Variants in RPH3A observed in about 807,000 individuals in gnomAD.
RPH3A encodes rabphilin 3A, also known as rabphilin-3A.
Under a neutral mutation model 102.2 loss-of-function variants are expected in RPH3A, and 48 were observed. The observed-to-expected ratio is 0.47, with a 90% confidence interval of 0.37 to 0.60. RPH3A has a LOEUF of 0.60. Among genes scored for constraint, RPH3A ranks in the 20% least tolerant of loss-of-function variants. The pLI is 0.00. For synonymous variants in RPH3A, 310 were observed against 324.3 expected (o/e 0.96, Z 0.47); for missense variants, 781 against 910.1 (o/e 0.86, Z 1.83).
At chr12:112,870,546 G>A (rs1279549606) in intron 10 of RPH3A, among the ~76,000 whole-genome samples, 1 of 152,064 alleles carries the variant, frequency 6.6e-6, no homozygotes, top group African/African-American at 2.4e-5. Context: ...CATTGGTAGG[G>A]GTCATGGAGC....
intron 2 of RPH3A, among the ~76,000 whole-genome samples, chr12:112,815,917 A>C (rs1413175226): frequency 6.6e-6 from 1 of 152,200 alleles, no homozygotes; most frequent in Non-Finnish European, 1.5e-5. Context: ...CGCTTTATCA[A>C]GGAATTGGGT....
rs374834747 is a variant in RPH3A, at chr12:112,783,724, C to A, written c.-139-8419C>A. Among the ~76,000 whole-genome samples, 7 of 152,222 alleles carry A rather than the reference C, an allele frequency of 4.6e-5. No individual in the cohort carries two copies. The East Asian group carries it at 9.6e-4, about 21-fold the overall frequency. ...TACAGACAATGAGGCTAAGGCACAG[C>A]GAGGTAAAGTGACTCACCCAAGCTC... On this transcript the variant is annotated intron_variant, in intron 1 of 21. Transcript: ENST00000543106.
At chr12:112,806,197 A>G (rs1039253755) in intron 2 of RPH3A, among the ~76,000 whole-genome samples, 6 of 152,362 alleles carry the variant, frequency 3.9e-5, no homozygotes, top group African/African-American at 1.2e-4. Flanking sequence ...CAAATAGGAA[A>G]GGAAGAGATA....
At chr12:112,792,678 G>T (rs2041145999) in intron 2 of RPH3A, among the ~76,000 whole-genome samples, 1 of 152,222 alleles carries the variant, frequency 6.6e-6, no homozygotes, top group African/African-American at 2.4e-5. Context: ...AGGGGAGGGG[G>T]TCACCTGAGA....
intron 13 of RPH3A, among the ~76,000 whole-genome samples, chr12:112,877,165 G>T (rs1331521272): frequency 6.6e-6 from 1 of 152,040 alleles, no homozygotes; most frequent in Non-Finnish European, 1.5e-5. Flanking sequence ...CTACATTCTT[G>T]ATGTTCAGTC....
At position 112,736,591 on chromosome 12, in the gene RPH3A, G is replaced by A. The variant is rs576269648; in HGVS notation, c.-139-55552G>A. On this transcript the variant is annotated intron_variant, in intron 1 of 21. Transcript: ENST00000543106. ...TTTCATAAAGCCAAGGGCAATTAAC[G>A]ACCCTTGGGATAAGAACAGTGACCA... Among the ~76,000 whole-genome samples, 9 of 152,256 alleles carry A rather than the reference G, an allele frequency of 5.9e-5. No individual in the cohort carries two copies. The South Asian group carries it at 1.9e-3, about 32-fold the overall frequency.
intron 1 of RPH3A, among the ~76,000 whole-genome samples, chr12:112,591,349 G>T (rs552342777): frequency 6.6e-6 from 1 of 152,348 alleles, no homozygotes; most frequent in East Asian, 1.9e-4. Flanking sequence ...GCCTCTCAAA[G>T]TGCTGGGATT....
intron 21 of RPH3A, 125 bp downstream of exon 21, chr12:112,895,998 T>A: frequency 1.5e-6 from 1 of 657,866 alleles, no homozygotes; most frequent in South Asian, 1.9e-5. Context: ...GTTCAAATGC[T>A]AAATTGAGAC....
intron 5 of RPH3A, among the ~76,000 whole-genome samples, chr12:112,859,085 T>C (rs1350458492): frequency 6.6e-6 from 1 of 152,230 alleles, no homozygotes; most frequent in South Asian, 2.1e-4. Flanking sequence ...AGACATTAGA[T>C]AGGTAAACAA....
Position 112,876,787 on chromosome 12 carries a change from C to A in RPH3A, c.1092C>A (p.Pro364=). 6.2e-7 allele frequency: 1 copy of A among 1,610,682 alleles called. No homozygotes were observed. The highest frequency in any genetic ancestry group is 8.5e-7 in the Non-Finnish European group (1 of 1,178,486). The change falls in exon 13 of 22, where the codon CCC becomes CCA. Residue 364 remains proline (P), a synonymous_variant. Transcript: ENST00000389385. The part of the protein sequence containing the change: ...GPYSQASAAA[P]QPAAARQPPP... ...ATTCCCAAGCATCTGCAGCTGCCCC[C>A]CAGCCTGCTGCAGCCCGCCAGCCAC...
intron 2 of RPH3A, among the ~76,000 whole-genome samples, chr12:112,813,846 T>C (rs2041624587): frequency 6.7e-6 from 1 of 149,468 alleles, no homozygotes; most frequent in African/African-American, 2.6e-5. Context: ...CACAGGTCTG[T>C]GTAACTCTAA....
At position 112,818,277 on chromosome 12, in the gene RPH3A, C is replaced by T. The variant is rs183289414; in HGVS notation, c.-18-10024C>T. Among the ~76,000 whole-genome samples, 70 of 129,062 alleles carry T rather than the reference C, an allele frequency of 5.4e-4. 1 individual carries two copies. Among genetic ancestry groups the T allele is most frequent in the African/African-American group, 1.8e-3 (61 of 33,568 alleles). The allele number at this position is 129,062 out of a possible 152,430, so 84.7% of individuals were successfully genotyped here. On this transcript the variant is annotated intron_variant, in intron 2 of 21. Transcript: ENST00000389385. ...TCGCGCCACTGCACTCCAGCCTGGGCGACAGAGTGAGATTCTGTCTCAAGA... is the reference window on the plus strand; with the variant it reads ...TCGCGCCACTGCACTCCAGCCTGGGTGACAGAGTGAGATTCTGTCTCAAGA...
chr12:112,759,495 G>A (rs547358535), intron 1 of RPH3A, among the ~76,000 whole-genome samples: 37 of 152,302 alleles, frequency 2.4e-4, no homozygotes. Context: ...TAATTAGAGA[G>A]TGCTGCTTGA....
chr12:112,793,345 C>T (rs1192651490), intron 2 of RPH3A, among the ~76,000 whole-genome samples: 1 of 152,182 alleles, frequency 6.6e-6, no homozygotes, highest in African/African-American at 2.4e-5. Flanking sequence ...TCTCAGGGGC[C>T]ACCTCAGTGT....
chr12:112,723,054 T>C (rs1279407719), intron 1 of RPH3A, among the ~76,000 whole-genome samples: 1 of 152,202 alleles, frequency 6.6e-6, no homozygotes, highest in Non-Finnish European at 1.5e-5. Context: ...ATAATAACTT[T>C]ACAATTTGCC....
chr12:112,765,804 G>T (rs114375758), intron 1 of RPH3A, among the ~76,000 whole-genome samples: 1 of 152,168 alleles, frequency 6.6e-6, no homozygotes, highest in Non-Finnish European at 1.5e-5. Flanking sequence ...CATTGATTGG[G>T]CAATTATGGA....
intron 1 of RPH3A, among the ~76,000 whole-genome samples, chr12:112,641,521 T>C (rs2039890525): frequency 6.6e-6 from 1 of 152,118 alleles, no homozygotes; most frequent in Non-Finnish European, 1.5e-5. Context: ...CTCAGCCTCT[T>C]GAGTAGCTGG....
At chr12:112,704,782 C>G (rs1264003744) in intron 1 of RPH3A, among the ~76,000 whole-genome samples, 1 of 152,138 alleles carries the variant, frequency 6.6e-6, no homozygotes, top group Non-Finnish European at 1.5e-5. Flanking sequence ...AATATTCTGA[C>G]TTTGGGAGAG....
At chr12:112,632,781 T>C (rs1341245142) in intron 1 of RPH3A, among the ~76,000 whole-genome samples, 2 of 152,134 alleles carry the variant, frequency 1.3e-5, no homozygotes, top group Non-Finnish European at 2.9e-5. Flanking sequence ...CTAAGTGTCA[T>C]CCTGTGTGAC....
Sources: allele counts gnomAD v4.1 joint callset (sites outside exome capture counted in the v4.1 genomes callset), GRCh38; gene constraint gnomAD v4.1.1; transcripts MANE v1.5; gene names NCBI Gene and HGNC (gene_info 2026-07-23, HGNC 2026-07-21).